KSR1: variants seen among roughly 807,000 people sequenced by gnomAD.
KSR1 encodes kinase suppressor of ras.
Under a neutral mutation model 92.9 loss-of-function variants are expected in KSR1, and 35 were observed. The ratio of observed to expected loss-of-function variants is 0.38; its 90% CI spans 0.29 to 0.50. The LOEUF (loss-of-function observed/expected upper bound fraction) is 0.50, where lower values mean the gene tolerates loss of function less well. Ranked by LOEUF, KSR1 falls within the 20% of genes least tolerant of loss-of-function variation. The pLI, the probability that KSR1 is intolerant of heterozygous loss-of-function variation, is 0.94. For synonymous variants in KSR1, 467 were observed against 472.6 expected (o/e 0.99, Z 0.15); for missense variants, 972 against 1,158.5 (o/e 0.84, Z 2.34).
chr17:27,481,803 TCCTCA>T (rs891013748), intron 1 of KSR1, among the ~76,000 whole-genome samples: 7 of 152,176 alleles, frequency 4.6e-5, no homozygotes, highest in African/African-American at 7.2e-5. Flanking sequence ...AGTTTTTCAT[TCCTCA>T]CCTCCCTCCC....
At chr17:27,563,357 G>A (rs181005880) in intron 2 of KSR1, among the ~76,000 whole-genome samples, 34 of 151,996 alleles carry the variant, frequency 2.2e-4, no homozygotes, top group African/African-American at 7.0e-4. Context: ...TTCAACTCCC[G>A]GACTCAAGTT....
At chr17:27,485,178 C>A (rs528192962) in intron 1 of KSR1, among the ~76,000 whole-genome samples, 3 of 152,316 alleles carry the variant, frequency 2.0e-5, no homozygotes, top group African/African-American at 7.2e-5. Context: ...GTATGCCCAC[C>A]CTGGACTGTT....
intron 2 of KSR1, among the ~76,000 whole-genome samples, chr17:27,574,361 G>A (rs2072425156): frequency 6.6e-6 from 1 of 152,196 alleles, no homozygotes; most frequent in African/African-American, 2.4e-5. Flanking sequence ...TGGTTCCTGT[G>A]ACACTTTAGT....
intron 15 of KSR1, among the ~76,000 whole-genome samples, chr17:27,608,478 GC>G (rs1261663475): frequency 3.9e-5 from 6 of 152,172 alleles, no homozygotes; most frequent in African/African-American, 1.4e-4. Context: ...ATGAGATCAT[GC>G]CTATGTCAGG....
chr17:27,571,374 G>T (rs2072299167), intron 2 of KSR1, among the ~76,000 whole-genome samples: 1 of 152,226 alleles, frequency 6.6e-6, no homozygotes, highest in South Asian at 2.1e-4. Flanking sequence ...GTGGGTGCAG[G>T]TAGGAGAAAC....
chr17:27,519,636 T>C (rs2069940987), intron 1 of KSR1, among the ~76,000 whole-genome samples: 2 of 152,192 alleles, frequency 1.3e-5, no homozygotes, highest in South Asian at 4.1e-4. Context: ...GGGTGCTTGC[T>C]TGTGGGGCCT....
At chr17:27,465,456 G>A (rs1184216088) in intron 1 of KSR1, 1 of 152,050 alleles carries the variant, frequency 6.6e-6, no homozygotes, top group Non-Finnish European at 1.5e-5. Context: ...AGAGACGGAC[G>A]TATCGCTTGA....
intron 1 of KSR1, among the ~76,000 whole-genome samples, chr17:27,472,627 AC>A (rs1225720298): frequency 3.9e-5 from 6 of 152,156 alleles, no homozygotes; most frequent in African/African-American, 1.4e-4. Flanking sequence ...ACATGGTCAA[AC>A]CCCGTCTCTA....
intron 1 of KSR1, among the ~76,000 whole-genome samples, chr17:27,464,014 G>A (rs1339364728): frequency 2.6e-5 from 4 of 152,160 alleles, no homozygotes; most frequent in Admixed American, 6.5e-5. Context: ...ATTAACAAAG[G>A]GTGGTTATTA....
At chr17:27,622,075 A>G in intron 20 of KSR1, 1 of 777,046 alleles carries the variant, frequency 1.3e-6, no homozygotes. Flanking sequence ...GTCTCTCTCG[A>G]GGCTACTTCT....
chr17:27,502,709 G>A (rs1403024166), intron 1 of KSR1, among the ~76,000 whole-genome samples: 2 of 152,194 alleles, frequency 1.3e-5, no homozygotes, highest in Non-Finnish European at 1.5e-5. Flanking sequence ...TACCTCAACC[G>A]TAATCACGGC....
intron 11 of KSR1, chr17:27,601,991 G>A (rs2151220827): frequency 6.6e-7 from 1 of 1,525,186 alleles, no homozygotes; most frequent in Non-Finnish European, 9.0e-7. Flanking sequence ...TTCTGCAAAA[G>A]TTGTTTTCTA....
intron 1 of KSR1, among the ~76,000 whole-genome samples, chr17:27,498,866 C>T (rs1224651275): frequency 2.0e-5 from 3 of 152,034 alleles, no homozygotes; most frequent in Non-Finnish European, 4.4e-5. Context: ...GAAACTTTAA[C>T]GAACATGTGG....
At chr17:27,562,519 C>T (rs2071875087) in intron 2 of KSR1, among the ~76,000 whole-genome samples, 1 of 152,166 alleles carries the variant, frequency 6.6e-6, no homozygotes, top group Admixed American at 6.5e-5. Flanking sequence ...ATAGCCCTGC[C>T]ATGAGATGGC....
intron 9 of KSR1, 104 bp from the exon 10 acceptor site, chr17:27,597,164 T>C: frequency 7.8e-7 from 1 of 1,277,918 alleles, no homozygotes; most frequent in Non-Finnish European, 1.1e-6. Context: ...GAGGATTCCC[T>C]GGGCTGACTG....
intron 1 of KSR1, among the ~76,000 whole-genome samples, chr17:27,468,321 T>C (rs1386012825): frequency 3.9e-5 from 6 of 151,934 alleles, no homozygotes; most frequent in African/African-American, 7.3e-5. Flanking sequence ...CTGCAACCTC[T>C]GCCTCCCGGG....
At chr17:27,488,917 A>G (rs1471110775) in intron 1 of KSR1, among the ~76,000 whole-genome samples, 1 of 152,200 alleles carries the variant, frequency 6.6e-6, no homozygotes, top group Non-Finnish European at 1.5e-5. Flanking sequence ...TAAGCCGAGA[A>G]TGTGCCACTG....
Position 27,592,695 on chromosome 17 carries a change from C to G in KSR1, c.1299+69C>G, listed in dbSNP as rs1320844869. ...CTTCCTTCCTATAAAGCACCCCTGC[C>G]TCAGAGGCTCAGTGGGGAAGTTTGG... is the stretch of plus-strand genomic sequence containing the variant. On this transcript the variant is annotated intron_variant, in intron 9 of 20. Transcript: ENST00000644974. 8.5e-6 allele frequency: 11 copies of G among 1,293,370 alleles called. No homozygotes were observed. In the East Asian group the frequency reaches 2.2e-4, roughly 26 times the overall value. 80.1% of individuals were successfully genotyped at this position (1,293,370 alleles called of 1,614,324 possible).
At chr17:27,467,865 C>T (rs1351717229) in intron 1 of KSR1, among the ~76,000 whole-genome samples, 1 of 143,072 alleles carries the variant, frequency 7.0e-6, no homozygotes, top group South Asian at 2.2e-4. Flanking sequence ...GGCTGTAGTT[C>T]CGTGGCGCAA....
Sources: gnomAD v4.1 joint callset for allele counts (sites outside exome capture counted in the v4.1 genomes callset) on GRCh38, gnomAD v4.1.1 for gene constraint, MANE v1.5 for transcripts, NCBI Gene and HGNC (gene_info 2026-07-23, HGNC 2026-07-21) for gene names.